ATAD1: variants seen among roughly 807,000 people sequenced by gnomAD.
ATAD1 encodes ATPase family AAA domain containing 1.
In ATAD1, 18 loss-of-function variants were observed where a neutral mutation model predicts 42.7. That is an observed-to-expected ratio of 0.42 (90% confidence interval 0.29 to 0.63). ATAD1 has a LOEUF of 0.63. ATAD1 is among the 20% of genes least tolerant of loss of function. The pLI is 0.19. For synonymous variants in ATAD1, 132 were observed against 143.1 expected (o/e 0.92, Z 0.55); for missense variants, 294 against 440.4 (o/e 0.67, Z 2.98).
At chr10:87,769,883 C>T (rs1854948929) in intron 7 of ATAD1, among the ~76,000 whole-genome samples, 1 of 151,710 alleles carries the variant, frequency 6.6e-6, no homozygotes, top group South Asian at 2.1e-4. Flanking sequence ...GCAGAGATTG[C>T]AGTGAGCCAA....
chr10:87,805,319 C>T, intron 2 of ATAD1, among the ~76,000 whole-genome samples: 1 of 152,186 alleles, frequency 6.6e-6, no homozygotes, highest in East Asian at 1.9e-4. Context: ...CTGAATCACA[C>T]AGTCATTACT....
intron 2 of ATAD1, among the ~76,000 whole-genome samples, chr10:87,796,510 T>C (rs1856395067): frequency 1.3e-5 from 2 of 152,220 alleles, no homozygotes; most frequent in Admixed American, 6.5e-5. Context: ...GAACCCAATG[T>C]TCATCTTACA....
intron 1 of ATAD1, among the ~76,000 whole-genome samples, chr10:87,839,005 C>T (rs1053340508): frequency 6.6e-6 from 1 of 152,152 alleles, no homozygotes; most frequent in Non-Finnish European, 1.5e-5. Flanking sequence ...TCATTCTTCC[C>T]AATTCAGTCA....
At chr10:87,838,525 G>A (rs1162728011) in intron 1 of ATAD1, among the ~76,000 whole-genome samples, 1 of 149,128 alleles carries the variant, frequency 6.7e-6, no homozygotes, top group African/African-American at 2.5e-5. Context: ...CTTACCTAGA[G>A]CTGGAATGGA....
chr10:87,791,386 T>A (rs1002449044), intron 3 of ATAD1, among the ~76,000 whole-genome samples: 1 of 151,476 alleles, frequency 6.6e-6, no homozygotes, highest in Non-Finnish European at 1.5e-5. Flanking sequence ...TACTTTACAA[T>A]AGATTCATTT....
chr10:87,769,122 T>C (rs541462292), intron 7 of ATAD1, among the ~76,000 whole-genome samples: 19 of 152,324 alleles, frequency 1.2e-4, no homozygotes, highest in Admixed American at 8.5e-4. Flanking sequence ...GTACTAACTA[T>C]TGGATTAGTG....
chr10:87,795,830 A>G (rs960291393), intron 2 of ATAD1, among the ~76,000 whole-genome samples: 2 of 152,182 alleles, frequency 1.3e-5, no homozygotes, highest in African/African-American at 4.8e-5. Context: ...AGATTCATAA[A>G]ATTGTCCTTT....
chr10:87,811,494 C>G (rs1857182393), intron 2 of ATAD1, among the ~76,000 whole-genome samples: 1 of 152,146 alleles, frequency 6.6e-6, no homozygotes, highest in Non-Finnish European at 1.5e-5. Context: ...GGAAATGTAT[C>G]AAGGCTTACG....
At chr10:87,819,016 G>A (rs191914032), upstream of ATAD1, 9 of 152,192 alleles carry the variant, frequency 5.9e-5, no homozygotes, top group East Asian at 1.7e-3. Flanking sequence ...GATACGAGAA[G>A]CATCACTTCC....
Position 87,791,014 on chromosome 10 carries a change from G to A in ATAD1, c.262-584C>T, listed in dbSNP as rs543303181. Among the ~76,000 whole-genome samples, 193 of 108,770 alleles carry A rather than the reference G, an allele frequency of 1.8e-3. 2 individuals carry two copies. Among genetic ancestry groups the A allele is most frequent in the Admixed American group, 3.3e-3 (29 of 8,746 alleles). The allele number at this position is 108,770 out of a possible 152,430, so 71.4% of individuals were successfully genotyped here. ...GCCTGGCCAACATGGTTGAAACCCC[G>A]TCTCTACTAAAATTACAAAAAAAAA... On this transcript the variant is annotated intron_variant, in intron 3 of 9. Transcript: ENST00000680024.
chr10:87,771,046 G>A lies in ATAD1; in HGVS notation c.691-5C>T. On this transcript the variant is annotated splice_region_variant and splice_polypyrimidine_tract_variant and intron_variant, in intron 6 of 9. Transcript: ENST00000680024. ...GGTAGCTCCCATTACTATGACCTAAGTGTATAAAGAAGACAGAAGGTATTA... is the reference window on the plus strand; with the variant it reads ...GGTAGCTCCCATTACTATGACCTAAATGTATAAAGAAGACAGAAGGTATTA... 6.2e-7 allele frequency: 1 copy of A among 1,607,930 alleles called. No homozygotes were observed. Among genetic ancestry groups the A allele is most frequent in the Non-Finnish European group, 8.5e-7 (1 of 1,174,990 alleles).
At chr10:87,796,903 T>A (rs1411177677) in intron 2 of ATAD1, among the ~76,000 whole-genome samples, 1 of 152,208 alleles carries the variant, frequency 6.6e-6, no homozygotes, top group African/African-American at 2.4e-5. Flanking sequence ...CAACTCCCTT[T>A]TTTTGGAGTT....
At chr10:87,790,002 CA>C (rs1013960304) in intron 4 of ATAD1, among the ~76,000 whole-genome samples, 3 of 152,032 alleles carry the variant, frequency 2.0e-5, no homozygotes, top group Non-Finnish European at 2.9e-5. Context: ...CAAAACAAAA[CA>C]AAAAACTTGT....
upstream of ATAD1, among the ~76,000 whole-genome samples, chr10:87,821,286 G>C (rs1047419117): frequency 2.0e-5 from 3 of 152,102 alleles, no homozygotes; most frequent in Non-Finnish European, 4.4e-5. Flanking sequence ...CCAGCACTTT[G>C]GGAGGCCGAG....
chr10:87,763,681 G>A (rs1426920821), intron 8 of ATAD1, among the ~76,000 whole-genome samples: 4 of 151,120 alleles, frequency 2.6e-5, no homozygotes, highest in Non-Finnish European at 4.4e-5. Context: ...AAAACAACAC[G>A]TCAGCCTGGG....
At chr10:87,773,861 T>G (rs1188464204) in intron 6 of ATAD1, among the ~76,000 whole-genome samples, 1 of 152,216 alleles carries the variant, frequency 6.6e-6, no homozygotes, top group East Asian at 1.9e-4. Context: ...ATTGTCTAAG[T>G]GCTTTAAGTA....
intron 2 of ATAD1, among the ~76,000 whole-genome samples, chr10:87,795,622 C>G (rs1203895140): frequency 1.3e-5 from 2 of 151,712 alleles, no homozygotes; most frequent in Non-Finnish European, 2.9e-5. Context: ...GATTTTCTAC[C>G]CTTTCACACT....
intron 1 of ATAD1, 151 bp from the exon 2 acceptor site, chr10:87,814,763 G>T: frequency 3.8e-6 from 2 of 524,718 alleles, no homozygotes; most frequent in Non-Finnish European, 5.8e-6. Context: ...ATTTTAAGGA[G>T]AAATGGATTT....
At chr10:87,789,578 C>T (rs1341851707) in intron 4 of ATAD1, among the ~76,000 whole-genome samples, 2 of 151,986 alleles carry the variant, frequency 1.3e-5, no homozygotes, top group Non-Finnish European at 2.9e-5. Flanking sequence ...AAAAAAGAGC[C>T]AGGCGTGGTG....
Sources: allele counts gnomAD v4.1 joint callset (sites outside exome capture counted in the v4.1 genomes callset), GRCh38; gene constraint gnomAD v4.1.1; transcripts MANE v1.5; gene names NCBI Gene and HGNC (gene_info 2026-07-23, HGNC 2026-07-21).